Variants in TRPM1 observed in about 807,000 individuals in gnomAD.
The protein encoded by TRPM1 is TRPM1-203 APA Isoform, Intron 10.
A neutral mutation model predicts 149.4 loss-of-function variants in TRPM1; 113 were observed. That is an observed-to-expected ratio of 0.76 (90% CI 0.65 to 0.88). The LOEUF (loss-of-function observed/expected upper bound fraction) is 0.88. Ranked by LOEUF, TRPM1 falls within the 40% of genes least tolerant of loss-of-function variation. TRPM1 has a pLI of 0.00. For missense variants in TRPM1, 1,976 were observed against 2,038.7 expected (o/e 0.97, Z 0.59); for synonymous variants, 741 against 759.5 (o/e 0.98, Z 0.40).
At chr15:31,080,396 T>A (rs1316031858) in intron 2 of TRPM1, among the ~76,000 whole-genome samples, 1 of 152,100 alleles carries the variant, frequency 6.6e-6, no homozygotes, top group African/African-American at 2.4e-5. Context: ...ATTATGAGGC[T>A]CTGGATAAAA....
intron 1 of TRPM1, among the ~76,000 whole-genome samples, chr15:31,117,691 C>T (rs1023236238): frequency 3.4e-5 from 5 of 147,308 alleles, no homozygotes; most frequent in African/African-American, 1.3e-4. Flanking sequence ...CACACACACA[C>T]ACACACACTA....
In TRPM1 at chr15:31,032,652, A is replaced by G. The variant is rs376499688; in HGVS notation, c.2952+37T>C. The stretch of plus-strand genomic sequence containing the variant: ...TGTTCTTATGTCCTAACTACAGCCA[A>G]AGTCTCTCTGGATACCCACAGGATG... On this transcript the variant is annotated intron_variant, in intron 22 of 27. Coordinates refer to ENST00000256552, the MANE Select transcript of TRPM1 (RefSeq NM_001252024.2). 4.3e-6 allele frequency: 7 copies of G among 1,613,974 alleles called. No individual in the cohort carries two copies. In the African/African-American group the frequency reaches 9.3e-5, roughly 22 times the overall value.
Position 31,032,678 on chromosome 15 carries a change from C to T in TRPM1, c.2952+11G>A, listed in dbSNP as rs1175748660. 6.2e-7 allele frequency: 1 copy of T among 1,613,960 alleles called. No homozygotes were observed. Among genetic ancestry groups the T allele is most frequent in the Non-Finnish European group, 8.5e-7 (1 of 1,179,960 alleles). On this transcript the variant is annotated intron_variant, in intron 22 of 27. Transcript: ENST00000256552. Reference sequence around the variant, plus strand: ...AGTCTCTCTGGATACCCACAGGATGCCACTACTAACCATCTTTCCAATCAT... The same window carrying T: ...AGTCTCTCTGGATACCCACAGGATGTCACTACTAACCATCTTTCCAATCAT...
intron 1 of TRPM1, among the ~76,000 whole-genome samples, chr15:31,090,243 A>C (rs760170045): frequency 3.3e-5 from 5 of 152,144 alleles, no homozygotes; most frequent in Non-Finnish European, 5.9e-5. Flanking sequence ...TTACACAGAC[A>C]GCTTCCTCAC....
rs753192568 is a variant in TRPM1 at position 31,142,855 on chromosome 15, T to C, written c.54+18051A>G. 7.2e-5 allele frequency among the ~76,000 whole-genome samples: 11 copies of C among 152,346 alleles called. No homozygotes were observed. The East Asian group carries it at 2.1e-3, about 29-fold the overall frequency. The stretch of plus-strand genomic sequence containing the variant: ...AAATAAGAAATGGTGTTAAATTTTC[T>C]TTGAGTTATATTTGTATACATTACT... On this transcript the variant is annotated intron_variant, in intron 1 of 26. Coordinates refer to the TRPM1 transcript ENST00000542188.
chr15:31,006,547 G>A (rs1400041767), intron 27 of TRPM1, among the ~76,000 whole-genome samples: 3 of 152,184 alleles, frequency 2.0e-5, no homozygotes, highest in Non-Finnish European at 4.4e-5. Context: ...CCATTATTTG[G>A]CAAGTATGAA....
chr15:31,026,689 CT>C (rs557839190), intron 26 of TRPM1, among the ~76,000 whole-genome samples: 6 of 152,176 alleles, frequency 3.9e-5, no homozygotes, highest in Non-Finnish European at 8.8e-5. Flanking sequence ...ATTAGCTCAA[CT>C]TCTGGTCTCT....
chr15:31,063,080 T>C (rs2034276230), intron 8 of TRPM1, 38 bp downstream of exon 8: 1 of 1,613,188 alleles, frequency 6.2e-7, no homozygotes, highest in Non-Finnish European at 8.5e-7. Context: ...AAAGAGGGAG[T>C]TACGAACCCG....
At chr15:31,145,827 G>A (rs1374878478) in intron 1 of TRPM1, among the ~76,000 whole-genome samples, 1 of 151,692 alleles carries the variant, frequency 6.6e-6, no homozygotes, top group African/African-American at 2.4e-5. Flanking sequence ...TTATAGGGTT[G>A]TCTAGTCTTT....
intron 20 of TRPM1, 134 bp from the exon 21 acceptor site, chr15:31,035,808 A>G: frequency 1.5e-6 from 2 of 1,293,310 alleles, no homozygotes; most frequent in Non-Finnish European, 2.2e-6. Context: ...TTGAGAGGAA[A>G]CCTTCACTGC....
intron 1 of TRPM1, among the ~76,000 whole-genome samples, chr15:31,127,591 C>A (rs923742749): frequency 6.6e-6 from 1 of 152,206 alleles, no homozygotes; most frequent in African/African-American, 2.4e-5. Context: ...CGTTCTCAAA[C>A]CTTCACTACA....
At chr15:31,160,639 C>T (rs2036432442) in intron 1 of TRPM1, among the ~76,000 whole-genome samples, 2 of 152,356 alleles carry the variant, frequency 1.3e-5, no homozygotes, top group Admixed American at 1.3e-4. Flanking sequence ...TTGTGCCACT[C>T]AGACGCCTCC....
intron 27 of TRPM1, among the ~76,000 whole-genome samples, chr15:31,005,010 G>A (rs1258870114): frequency 3.3e-5 from 5 of 152,036 alleles, no homozygotes; most frequent in South Asian, 2.1e-4. Flanking sequence ...GCTGAGGCAC[G>A]AGAATTGCTT....
At chr15:31,069,936 T>C (rs1356751682) in intron 4 of TRPM1, 95 bp downstream of exon 4, 2 of 1,611,946 alleles carry the variant, frequency 1.2e-6, no homozygotes, top group Non-Finnish European at 1.7e-6. Flanking sequence ...GCCACAGCCA[T>C]GAAGAAGACC....
intron 11 of TRPM1, among the ~76,000 whole-genome samples, chr15:31,053,871 G>T (rs1413129377): frequency 6.6e-6 from 1 of 152,184 alleles, no homozygotes; most frequent in Non-Finnish European, 1.5e-5. Context: ...GCAAAATGTG[G>T]TCTATCCATA....
At chr15:31,048,841 T>C (rs765412503) in intron 13 of TRPM1, among the ~76,000 whole-genome samples, 4 of 152,154 alleles carry the variant, frequency 2.6e-5, no homozygotes, top group Non-Finnish European at 5.9e-5. Flanking sequence ...CACCAAGTTT[T>C]AGCAAGCAGC....
chr15:31,081,397 G>T lies in TRPM1; in HGVS notation c.-42C>A. ...GATATAAGGAAATAGCCTCAGTCCA[G>T]CACTGCAAGTTACTGCTGAGTCCTC... On this transcript the variant is annotated 5_prime_UTR_variant, in exon 2 of 28. The change creates a new upstream start codon in the 5' untranslated region. Coordinates refer to ENST00000256552, the MANE Select transcript of TRPM1 (RefSeq NM_001252024.2). 2.0e-6 allele frequency: 3 copies of T among 1,535,056 alleles called. No homozygotes were observed. The highest frequency in any genetic ancestry group is 1.7e-6 in the Non-Finnish European group (2 of 1,146,582).
chr15:31,066,988 A>C, intron 6 of TRPM1, 75 bp downstream of exon 6: 1 of 1,592,774 alleles, frequency 6.3e-7, no homozygotes, highest in Non-Finnish European at 8.6e-7. Flanking sequence ...TTACAACTGC[A>C]TCTGAATCAA....
chr15:31,087,230 G>GTTTTTTT (rs1486533022), intron 1 of TRPM1, among the ~76,000 whole-genome samples: 1 of 87,512 alleles, frequency 1.1e-5, no homozygotes, highest in African/African-American at 4.7e-5. Context: ...TCTCAATAGG[G>GTTTTTTT]ATTTTTTTTT....
Sources: allele counts gnomAD v4.1 joint callset (sites outside exome capture counted in the v4.1 genomes callset), GRCh38; gene constraint gnomAD v4.1.1; transcripts MANE v1.5; gene names NCBI Gene and HGNC (gene_info 2026-07-23, HGNC 2026-07-21).